RUFY1: variants seen among roughly 807,000 people sequenced by gnomAD.
RUFY1 encodes RUN and FYVE domain-containing protein 1.
In RUFY1, 54 loss-of-function variants were observed where a neutral mutation model predicts 94.6. The observed-to-expected ratio is 0.57, with a 90% CI of 0.46 to 0.72. RUFY1 has a LOEUF of 0.72. Ranked by LOEUF, RUFY1 falls within the 30% of genes least tolerant of loss-of-function variation. The probability of loss-of-function intolerance (pLI) is 0.00; values close to 1 mark genes in which losing one functional copy is unlikely to be tolerated. For synonymous variants in RUFY1, 396 were observed against 347.3 expected (o/e 1.14, Z -1.56); for missense variants, 883 against 883.9 (o/e 1.00, Z 0.01).
chr5:179,561,700 T>TTTTTTTTTTTTTTCTTTTTTTG (rs764059834), intron 2 of RUFY1, among the ~76,000 whole-genome samples: 1 of 95,540 alleles, frequency 1.0e-5, no homozygotes, highest in Non-Finnish European at 2.1e-5. Context: ...TTTTTTTTTT[T>TTTTTTTTTTTTTTCTTTTTTTG]TTTGAAGAGT....
chr5:179,555,157 G>C (rs1052869394), intron 1 of RUFY1, among the ~76,000 whole-genome samples: 1 of 151,892 alleles, frequency 6.6e-6, no homozygotes, highest in South Asian at 2.1e-4. Context: ...TAAAGGATGA[G>C]TAACAAACAT....
At chr5:179,605,997 A>ATCCC (rs1490480454) in intron 16 of RUFY1, 73 bp downstream of exon 16, 76 of 996,766 alleles carry the variant, frequency 7.6e-5, no homozygotes, top group Non-Finnish European at 1.2e-4. Flanking sequence ...ACGTTTAAGT[A>ATCCC]TCCCAACAGT....
intron 1 of RUFY1, among the ~76,000 whole-genome samples, chr5:179,554,593 G>C (rs576092944): frequency 5.6e-4 from 85 of 151,772 alleles, no homozygotes; most frequent in Non-Finnish European, 1.0e-3. Context: ...TGATTGTATT[G>C]TCCATAGGTG....
intron 3 of RUFY1, among the ~76,000 whole-genome samples, chr5:179,565,733 G>T (rs2127519562): frequency 6.6e-6 from 1 of 152,288 alleles, no homozygotes; most frequent in African/African-American, 2.4e-5. Flanking sequence ...CCGTGATAAT[G>T]ATGAGGTGAC....
At chr5:179,566,687 G>A in intron 3 of RUFY1, among the ~76,000 whole-genome samples, 1 of 151,190 alleles carries the variant, frequency 6.6e-6, no homozygotes, top group Admixed American at 6.6e-5. Flanking sequence ...CTACTTAACT[G>A]TAAGATTAAA....
intron 13 of RUFY1, among the ~76,000 whole-genome samples, chr5:179,597,843 C>T (rs899544703): frequency 2.0e-5 from 3 of 152,202 alleles, no homozygotes; most frequent in African/African-American, 7.2e-5. Flanking sequence ...GAGGCTCCCT[C>T]CTGGCCTTCT....
rs1298605177 is a variant in RUFY1, at chr5:179,609,385, C to T, written c.1993C>T (p.Arg665Trp). The change falls in exon 18 of 18, where the codon CGG becomes TGG. Residue 665 changes from arginine to tryptophan, a missense_variant. Physicochemically the swap from Arg to Trp is moderately radical, Grantham distance 101 (BLOSUM62 -3). Coordinates refer to ENST00000319449, the MANE Select transcript of RUFY1 (RefSeq NM_025158.5). ...TCTTCCCGTCCTGTAGCACCACTGC[C>T]GGAACTGTGGCCACATCTTCTGCAA... ...FSISRRKHHC[R>W]NCGHIFCNTC... The T allele has an allele frequency of 2.5e-6, 4 of 1,613,448 alleles. No homozygotes were observed. Among genetic ancestry groups the T allele is most frequent in the South Asian group, 1.1e-5 (1 of 91,044 alleles).
At chr5:179,596,424 G>A (rs767524827) in intron 12 of RUFY1, 138 bp from the exon 13 acceptor site, 20 of 1,092,028 alleles carry the variant, frequency 1.8e-5, no homozygotes, top group Non-Finnish European at 2.4e-5. Flanking sequence ...TTGTGGTGGA[G>A]CTGAATCTCC....
Position 179,598,827 on chromosome 5 carries a change from G to A in RUFY1, c.1761+6G>A, listed in dbSNP as rs117970237. On this transcript the variant is annotated splice_donor_region_variant and intron_variant, in intron 14 of 17. Coordinates refer to ENST00000319449, the MANE Select transcript of RUFY1 (RefSeq NM_025158.5). The stretch of plus-strand genomic sequence containing the variant: ...AAGTGGAAGGACTGAAAAAGGTGAG[G>A]TGGGCCATCCCGGGAGAGGAGAGCC... 561 of 1,614,152 alleles carry A rather than the reference G, an allele frequency of 3.5e-4. 5 individuals carry two copies. The East Asian group carries it at 9.4e-3, about 27-fold the overall frequency.
intron 7 of RUFY1, among the ~76,000 whole-genome samples, chr5:179,582,843 CAAAAATAAAAAT>C (rs146968739): frequency 2.0e-5 from 3 of 151,550 alleles, no homozygotes; most frequent in South Asian, 2.1e-4. Context: ...AACTCCATCT[CAAAAATAAAAAT>C]AAAAATAAAA....
intron 7 of RUFY1, among the ~76,000 whole-genome samples, chr5:179,581,751 G>A (rs926085961): frequency 6.6e-6 from 1 of 150,938 alleles, no homozygotes; most frequent in Non-Finnish European, 1.5e-5. Flanking sequence ...CGTGATCTCA[G>A]ATCACTGTAG....
At position 179,567,353 on chromosome 5, in the gene RUFY1, T is replaced by C. The variant is rs899009499; in HGVS notation, c.603-108T>C. ...AAACAGCCATTCTTAGAGTATCGTC[T>C]GCATTTACAAGGGTGTGTTTCCTAT... On this transcript the variant is annotated intron_variant, in intron 3 of 17. Transcript: ENST00000319449. The C allele has an allele frequency of 1.3e-5, 10 of 791,270 alleles. No individual in the cohort carries two copies. The South Asian group carries it at 1.4e-4, about 11-fold the overall frequency. The allele number at this position is 791,270 out of a possible 1,614,324, so 49.0% of individuals were successfully genotyped here.
intron 1 of RUFY1, among the ~76,000 whole-genome samples, chr5:179,556,416 TATC>T (rs952172668): frequency 6.6e-6 from 1 of 152,158 alleles, no homozygotes; most frequent in African/African-American, 2.4e-5. Context: ...TGGAGTGAAT[TATC>T]ATTAAGTTTA....
At chr5:179,600,176 A>G (rs796528983) in intron 14 of RUFY1, 5 of 152,390 alleles carry the variant, frequency 3.3e-5, no homozygotes, top group African/African-American at 1.2e-4. Context: ...ACCCCAGTTA[A>G]GCCACAGCTT....
chr5:179,592,365 G>A (rs1004387741), intron 10 of RUFY1, among the ~76,000 whole-genome samples: 44 of 152,204 alleles, frequency 2.9e-4, no homozygotes, highest in African/African-American at 8.4e-4. Context: ...TGATCCGCCC[G>A]CCTGAGCCTC....
intron 6 of RUFY1, among the ~76,000 whole-genome samples, chr5:179,579,771 CT>C (rs549482823): frequency 2.4e-4 from 35 of 144,838 alleles, no homozygotes; most frequent in Non-Finnish European, 4.7e-4. Flanking sequence ...TCAATCAGTT[CT>C]CCTCCTCAGC....
chr5:179,593,847 T>C (rs1403960643), intron 11 of RUFY1, among the ~76,000 whole-genome samples: 1 of 152,182 alleles, frequency 6.6e-6, no homozygotes, highest in African/African-American at 2.4e-5. Context: ...CAGAGCCAAG[T>C]CACTAAGTCA....
chr5:179,593,697 G>C lies in RUFY1; in HGVS notation c.1413+52G>C, dbSNP rs760577180. 4.4e-6 allele frequency: 7 copies of C among 1,583,058 alleles called. No individual in the cohort carries two copies. In the Admixed American group the frequency reaches 1.3e-4, roughly 29 times the overall value. On this transcript the variant is annotated intron_variant, in intron 11 of 17. Coordinates refer to ENST00000319449, the MANE Select transcript of RUFY1 (RefSeq NM_025158.5). ...ACAGCCTGGTTTCTGCTGCTCGCCA[G>C]TCTTGTGTCATTCTTCTTACAAAAT...
chr5:179,560,725 CAAAAA>C (rs68093858), intron 2 of RUFY1, among the ~76,000 whole-genome samples: 1 of 78,804 alleles, frequency 1.3e-5, no homozygotes. Flanking sequence ...GACTCCGTCT[CAAAAA>C]AAAAAAAAAA....
Sources: gnomAD v4.1 joint callset for allele counts (sites outside exome capture counted in the v4.1 genomes callset) on GRCh38, gnomAD v4.1.1 for gene constraint, MANE v1.5 for transcripts, NCBI Gene and HGNC (gene_info 2026-07-23, HGNC 2026-07-21) for gene names.